EMP1: variants seen among roughly 807,000 people sequenced by gnomAD.
The protein encoded by EMP1 is epithelial membrane protein 1.
In EMP1, 5 loss-of-function variants were observed where a neutral mutation model predicts 15.7. The observed-to-expected ratio is 0.32, with a 90% CI of 0.17 to 0.67. The LOEUF is 0.67. EMP1 is among the 30% of genes least tolerant of loss of function. The pLI, the probability that EMP1 is intolerant of heterozygous loss-of-function variation, is 0.74. For synonymous variants in EMP1, 78 were observed against 76.7 expected (o/e 1.02, Z -0.09); for missense variants, 166 against 194.2 (o/e 0.85, Z 0.86).
At chr12:13,206,806 C>T (rs1313579033) in intron 1 of EMP1, among the ~76,000 whole-genome samples, 1 of 152,146 alleles carries the variant, frequency 6.6e-6, no homozygotes, top group African/African-American at 2.4e-5. Context: ...AGGAAAGGCT[C>T]CCATGGGGGC....
rs984274662 is a variant in EMP1 at position 13,216,405 on chromosome 12, C to T, written c.*1714C>T. On this transcript the variant is annotated 3_prime_UTR_variant, in exon 5 of 5. Coordinates refer to ENST00000256951, the MANE Select transcript of EMP1 (RefSeq NM_001423.3). ...AGGGCAAGCCACCAAATTACCTAGG[C>T]TGAGGTTAGAGAGATTGGCCAGCAA... 2.8e-6 allele frequency: 2 copies of T among 702,240 alleles called. No homozygotes were observed. Among genetic ancestry groups the T allele is most frequent in the Non-Finnish European group, 5.2e-6 (2 of 384,748 alleles). The allele number at this position is 702,240 out of a possible 1,614,324, so 43.5% of individuals were successfully genotyped here.
intron 1 of EMP1, among the ~76,000 whole-genome samples, chr12:13,203,223 A>C (rs1864082021): frequency 6.6e-6 from 1 of 152,136 alleles, no homozygotes; most frequent in South Asian, 2.1e-4. Context: ...TTTCTTCCCA[A>C]ACCCCTAGTT....
intron 1 of EMP1, among the ~76,000 whole-genome samples, chr12:13,205,846 T>C (rs1864106432): frequency 6.6e-6 from 1 of 152,208 alleles, no homozygotes; most frequent in Non-Finnish European, 1.5e-5. Context: ...GAAAGAAGAA[T>C]ACAAAAGCAG....
At chr12:13,199,616 C>T (rs949389192) in intron 1 of EMP1, 1 of 152,164 alleles carries the variant, frequency 6.6e-6, no homozygotes, top group African/African-American at 2.4e-5. Flanking sequence ...CATTCTCCTA[C>T]TGTATGCAGA....
At chr12:13,213,435 G>A in intron 2 of EMP1, 44 bp from the exon 3 acceptor site, 1 of 1,555,310 alleles carries the variant, frequency 6.4e-7, no homozygotes. Flanking sequence ...TTTTAAATCA[G>A]AGGGCCAGCT....
chr12:13,204,652 G>A (rs1864095388), intron 1 of EMP1, among the ~76,000 whole-genome samples: 1 of 152,196 alleles, frequency 6.6e-6, no homozygotes, highest in Non-Finnish European at 1.5e-5. Flanking sequence ...GTGTGGGGTC[G>A]TCTGACTCAT....
chr12:13,213,887 CA>C, intron 4 of EMP1, 66 bp downstream of exon 4: 2 of 1,596,160 alleles, frequency 1.3e-6, no homozygotes, highest in Middle Eastern at 1.7e-4. Flanking sequence ...GTGTTTCTGG[CA>C]ACTTGAACAG....
intron 1 of EMP1, among the ~76,000 whole-genome samples, chr12:13,199,725 C>A (rs1864046578): frequency 6.6e-6 from 1 of 152,262 alleles, no homozygotes; most frequent in African/African-American, 2.4e-5. Context: ...CCTCCACACT[C>A]ATTCCCCTTA....
rs1321049181 is a variant in EMP1, at chr12:13,214,568, T to C, written c.351T>C (p.Thr117=). 6.2e-7 allele frequency: 1 copy of C among 1,614,034 alleles called. No individual in the cohort carries two copies. Among genetic ancestry groups the C allele is most frequent in the Non-Finnish European group, 8.5e-7 (1 of 1,179,976 alleles). ...LCILVGVSIY[T]SHYANRDGTQ... Reference sequence around the variant, plus strand: ...TTCTTGTGGGGGTGTCCATCTACACTAGTCATTATGCGAATCGTGATGGAA... The same window carrying C: ...TTCTTGTGGGGGTGTCCATCTACACCAGTCATTATGCGAATCGTGATGGAA... The change falls in exon 5 of 5, where the codon ACT becomes ACC. Residue 117 remains threonine, a synonymous_variant. Transcript: ENST00000256951.
rs1236004219 is a variant in EMP1 at position 13,219,311 on chromosome 12, T to G, written c.*4620T>G. 1 of 152,270 alleles carries G rather than the reference T, an allele frequency of 6.6e-6. No homozygotes were observed. Among genetic ancestry groups the G allele is most frequent in the African/African-American group, 2.4e-5 (1 of 41,446 alleles). 9.4% of individuals were successfully genotyped at this position (152,270 alleles called of 1,614,324 possible). On this transcript the variant is annotated 3_prime_UTR_variant, in exon 5 of 5. Coordinates refer to ENST00000256951, the MANE Select transcript of EMP1 (RefSeq NM_001423.3). The stretch of plus-strand genomic sequence containing the variant: ...GGTTAACTGCTGATCTATTGGCAAC[T>G]CCAGTTCCCAATAAGTTCCTCATCT...
chr12:13,214,378 C>T, intron 4 of EMP1, 156 bp from the exon 5 acceptor site: 2 of 1,020,522 alleles, frequency 2.0e-6, no homozygotes, highest in Non-Finnish European at 2.8e-6. Flanking sequence ...GAGCTTGGCC[C>T]AGGGGACATC....
Position 13,213,565 on chromosome 12 carries a change from T to C in EMP1, c.165T>C (p.Tyr55=). Residue 55 remains tyrosine, a synonymous_variant, in exon 3 of 5, where the codon TAT becomes TAC. Transcript: ENST00000256951. Reference sequence around the variant, plus strand: ...TTAGCTGCAGTGACAGCCTGTCATATGCCAGTGAAGGTATATATAAAGATA... The same window carrying C: ...TTAGCTGCAGTGACAGCCTGTCATACGCCAGTGAAGGTATATATAAAGATA... ...TNISCSDSLS[Y]ASEDALKTVQ... 6.2e-7 allele frequency: 1 copy of C among 1,614,224 alleles called. No homozygotes were observed. Among genetic ancestry groups the C allele is most frequent in the Non-Finnish European group, 8.5e-7 (1 of 1,180,036 alleles).
At chr12:13,198,033 CT>C (rs1864030100) in intron 1 of EMP1, among the ~76,000 whole-genome samples, 1 of 152,100 alleles carries the variant, frequency 6.6e-6, no homozygotes. Context: ...TGGCTTTGTG[CT>C]TTCACCCCAG....
Position 13,219,333 on chromosome 12 carries a change from A to T in EMP1, c.*4642A>T, listed in dbSNP as rs1427781428. 1.3e-5 allele frequency: 2 copies of T among 152,178 alleles called. No individual in the cohort carries two copies. The highest frequency in any genetic ancestry group is 2.1e-4 in the South Asian group (1 of 4,818). 9.4% of individuals were successfully genotyped at this position (152,178 alleles called of 1,614,324 possible). ...AACTCCAGTTCCCAATAAGTTCCTC[A>T]TCTCCTTCTGAGACCACCTCAGTGT... is the stretch of plus-strand genomic sequence containing the variant. On this transcript the variant is annotated 3_prime_UTR_variant, in exon 5 of 5. Coordinates refer to ENST00000256951, the MANE Select transcript of EMP1 (RefSeq NM_001423.3).
chr12:13,216,777 G>T lies in EMP1; in HGVS notation c.*2086G>T. Reference sequence around the variant, plus strand: ...AAAACAGATTCTGATTCCCTTCATTGTGTGAATGTTTTTTTCTAAAAAAAA... The same window carrying T: ...AAAACAGATTCTGATTCCCTTCATTTTGTGAATGTTTTTTTCTAAAAAAAA... On this transcript the variant is annotated 3_prime_UTR_variant, in exon 5 of 5. Coordinates refer to ENST00000256951, the MANE Select transcript of EMP1 (RefSeq NM_001423.3). The T allele has an allele frequency of 4.2e-6, 1 of 240,596 alleles. No individual in the cohort carries two copies. The highest frequency in any genetic ancestry group is 7.9e-6 in the Non-Finnish European group (1 of 126,132). The allele number at this position is 240,596 out of a possible 1,614,324, so 14.9% of individuals were successfully genotyped here.
At chr12:13,210,432 C>T (rs985771088) in intron 1 of EMP1, among the ~76,000 whole-genome samples, 5 of 152,208 alleles carry the variant, frequency 3.3e-5, no homozygotes, top group Non-Finnish European at 5.9e-5. Context: ...AGAATAGCCT[C>T]CCCCATGTGT....
intron 2 of EMP1, among the ~76,000 whole-genome samples, chr12:13,213,252 A>G (rs1290961447): frequency 6.6e-6 from 1 of 152,106 alleles, no homozygotes; most frequent in Non-Finnish European, 1.5e-5. Context: ...GGGCTAGGTG[A>G]TTTCTTTCTG....
chr12:13,201,877 C>T (rs1864069258), intron 1 of EMP1, among the ~76,000 whole-genome samples: 1 of 152,018 alleles, frequency 6.6e-6, no homozygotes, highest in African/African-American at 2.4e-5. Context: ...GAAAGAAACT[C>T]CACCCTCTTC....
chr12:13,197,912 G>A (rs1471081649), intron 1 of EMP1, among the ~76,000 whole-genome samples: 2 of 152,234 alleles, frequency 1.3e-5, no homozygotes, highest in Non-Finnish European at 2.9e-5. Flanking sequence ...GAGGATTCCA[G>A]ATGCCTTCTC....
Sources: allele counts gnomAD v4.1 joint callset (sites outside exome capture counted in the v4.1 genomes callset), GRCh38; gene constraint gnomAD v4.1.1; transcripts MANE v1.5; gene names NCBI Gene and HGNC (gene_info 2026-07-23, HGNC 2026-07-21).